PAM16: variants seen among roughly 807,000 people sequenced by gnomAD.
The protein encoded by PAM16 is mitochondrial import inner membrane translocase subunit TIM16.
Under a neutral mutation model 17.9 loss-of-function variants are expected in PAM16, and 11 were observed. The observed-to-expected ratio is 0.62, with a 90% CI of 0.39 to 1.02. The LOEUF is 1.02. Among genes scored for constraint, PAM16 ranks in the 50% least tolerant of loss-of-function variants. The pLI is 0.01. For synonymous variants in PAM16, 72 were observed against 67.4 expected (o/e 1.07, Z -0.34); for missense variants, 199 against 165.4 (o/e 1.20, Z -1.11).
intron 3 of PAM16, 43 bp downstream of exon 3, chr16:4,341,325 C>A (rs1428054154): frequency 8.4e-6 from 13 of 1,542,390 alleles, no homozygotes; most frequent in Non-Finnish European, 1.1e-5. Flanking sequence ...CCCACCCTGG[C>A]AGCCTCTCCC....
chr16:4,351,067 T>A, intron 1 of PAM16, 165 bp downstream of exon 1: 3 of 357,334 alleles, frequency 8.4e-6, no homozygotes. Flanking sequence ...GTGCCGCCGC[T>A]GCCGGCCTCG....
chr16:4,342,460 G>A (rs2053663851), intron 2 of PAM16, among the ~76,000 whole-genome samples: 1 of 151,412 alleles, frequency 6.6e-6, no homozygotes, highest in African/African-American at 2.4e-5. Flanking sequence ...TTCAAGACCA[G>A]CCTGACCAAC....
chr16:4,343,872 C>G, intron 1 of PAM16: 1 of 398,656 alleles, frequency 2.5e-6, no homozygotes, highest in Middle Eastern at 6.3e-4. Flanking sequence ...TTTAAACACA[C>G]TATGGACCAA....
rs867322551 is a variant in PAM16, at chr16:4,351,250, T to C, written c.-16A>G. On this transcript the variant is annotated 5_prime_UTR_variant, in exon 1 of 5. Coordinates refer to ENST00000318059, the MANE Select transcript of PAM16 (RefSeq NM_016069.11). ...GGCTCACCATGGCAGCCGCTCTGCC[T>C]CCGGGGCTCAAACTCCGACTTCCTG... 2.0e-6 allele frequency: 3 copies of C among 1,467,380 alleles called. No homozygotes were observed. Among genetic ancestry groups the C allele is most frequent in the African/African-American group, 2.9e-5 (2 of 69,830 alleles). 90.9% of individuals were successfully genotyped at this position (1,467,380 alleles called of 1,614,324 possible). A position where few individuals can be genotyped will look rare whatever the true frequency, so the allele number is the denominator to read the frequency against.
chr16:4,350,440 C>T (rs1192632465), intron 1 of PAM16, among the ~76,000 whole-genome samples: 3 of 151,730 alleles, frequency 2.0e-5, no homozygotes, highest in African/African-American at 7.3e-5. Context: ...CTCACCCTGT[C>T]GCCCAGGCTA....
At chr16:4,348,440 C>T (rs1309710950) in intron 1 of PAM16, 1 of 152,644 alleles carries the variant, frequency 6.6e-6, no homozygotes, top group Admixed American at 6.5e-5. Flanking sequence ...TTCTCAACCT[C>T]ACCTCTCTCC....
intron 1 of PAM16, among the ~76,000 whole-genome samples, chr16:4,345,111 G>A (rs752600698): frequency 1.9e-4 from 29 of 152,056 alleles, no homozygotes; most frequent in Non-Finnish European, 3.1e-4. Flanking sequence ...AAAGGATCTT[G>A]TGACTGCAAA....
In PAM16 at chr16:4,341,499, G is replaced by C. The variant is rs764298943; in HGVS notation, c.94C>G (p.Arg32Gly). ...CGTCCTCGGGCATCAGCTGCGGCCC[G>C]GCTGGCTGTGTGGACATGTGGGTGA... ...RALRQEFAAS[R>G]AAADARGRAG... Residue 32 changes from arginine to glycine, a missense_variant, in exon 3 of 5, where the codon CGG becomes GGG. Arg to Gly is a moderately radical substitution (Grantham distance 125). Coordinates refer to ENST00000318059, the MANE Select transcript of PAM16 (RefSeq NM_016069.11). 38 of 1,607,592 alleles carry C rather than the reference G, an allele frequency of 2.4e-5. No individual in the cohort carries two copies. The highest frequency in any genetic ancestry group is 2.9e-5 in the Non-Finnish European group (34 of 1,178,660).
At chr16:4,341,619 G>A (rs1240461845) in intron 2 of PAM16, 115 bp from the exon 3 acceptor site, 5 of 1,455,572 alleles carry the variant, frequency 3.4e-6, no homozygotes, top group Non-Finnish European at 3.6e-6. Flanking sequence ...ACAGGGACAG[G>A]TGGCTAGGAG....
Position 4,343,242 on chromosome 16 carries a change from C to G in PAM16, c.53G>C (p.Arg18Thr). The change falls in exon 2 of 5, where the codon AGG becomes ACG. Residue 18 changes from arginine to threonine, a missense_variant. Coordinates refer to ENST00000318059, the MANE Select transcript of PAM16 (RefSeq NM_016069.11). ...CTGCCGCAAGGCCCGTGCAAAGGCC[C>G]TGCCCACCACCTGCACGCCCATCAC... ...IIVMGVQVVG[R>T]AFARALRQEF... 2 of 1,612,820 alleles carry G rather than the reference C, an allele frequency of 1.2e-6. No individual in the cohort carries two copies. Among genetic ancestry groups the G allele is most frequent in the Non-Finnish European group, 8.5e-7 (1 of 1,179,958 alleles).
In PAM16 at chr16:4,341,462, C is replaced by G; in HGVS notation, c.131G>C (p.Arg44Pro). 6.2e-7 allele frequency: 1 copy of G among 1,609,794 alleles called. No homozygotes were observed. Among genetic ancestry groups the G allele is most frequent in the Non-Finnish European group, 8.5e-7 (1 of 1,178,970 alleles). ...AADARGRAGH[R>P]SAAASNLSGL... ...GGAGAGGTTGGAAGCGGCTGCAGAC[C>G]GGTGTCCAGCGCGTCCTCGGGCATC... Residue 44 changes from arginine to proline, a missense_variant, in exon 3 of 5, where the codon CGG becomes CCG. Arg to Pro is a moderately radical substitution (Grantham distance 103). Coordinates refer to ENST00000318059, the MANE Select transcript of PAM16 (RefSeq NM_016069.11).
intron 1 of PAM16, among the ~76,000 whole-genome samples, chr16:4,345,032 C>G (rs1262411194): frequency 6.6e-6 from 1 of 152,022 alleles, no homozygotes; most frequent in Non-Finnish European, 1.5e-5. Context: ...GACTGGGAAT[C>G]TGGCGGATGA....
rs550622365 is a variant in PAM16 at position 4,344,884 on chromosome 16, G to C, written c.4-1593C>G. The stretch of plus-strand genomic sequence containing the variant: ...GAGGAGGGGGTTCCTCCTGGGCTGG[G>C]CTTTGCAGGGTAGGAAGAATCATGA... On this transcript the variant is annotated intron_variant, in intron 1 of 4. Transcript: ENST00000318059. Among the ~76,000 whole-genome samples the C allele has an allele frequency of 9.2e-5, 14 of 151,750 alleles. 1 individual carries two copies. The highest frequency in any genetic ancestry group is 3.4e-4 in the African/African-American group (14 of 41,324).
At chr16:4,350,704 C>G (rs1182844240) in intron 1 of PAM16, among the ~76,000 whole-genome samples, 1 of 152,142 alleles carries the variant, frequency 6.6e-6, no homozygotes, top group Non-Finnish European at 1.5e-5. Flanking sequence ...CCAGCCAAAC[C>G]TGCACTTTTA....
chr16:4,345,794 G>A lies in PAM16; in HGVS notation c.4-2503C>T, dbSNP rs545576059. The A allele has an allele frequency of 1.1e-5, 11 of 976,902 alleles. No homozygotes were observed. The South Asian group carries it at 2.4e-4, about 21-fold the overall frequency. 60.5% of individuals were successfully genotyped at this position (976,902 alleles called of 1,614,324 possible). ...GACACCTGCGGTCTCACCTGACTTC[G>A]CCTCCTTCCTAAAGCCCCTCCCGAG... On this transcript the variant is annotated intron_variant, in intron 1 of 4. Coordinates refer to ENST00000318059, the MANE Select transcript of PAM16 (RefSeq NM_016069.11).
At chr16:4,349,025 G>A (rs1379733202) in intron 1 of PAM16, among the ~76,000 whole-genome samples, 5 of 144,000 alleles carry the variant, frequency 3.5e-5, no homozygotes, top group Admixed American at 7.4e-5. Flanking sequence ...CGCGACCTTC[G>A]GCTCACTGCA....
At chr16:4,343,934 T>C (rs763475969) in intron 1 of PAM16, 19 of 397,712 alleles carry the variant, frequency 4.8e-5, no homozygotes, top group East Asian at 7.2e-5. Flanking sequence ...GGTTCACCCA[T>C]TCATTCAAAC....
chr16:4,349,133 T>C (rs888777719), intron 1 of PAM16, among the ~76,000 whole-genome samples: 1 of 151,846 alleles, frequency 6.6e-6, no homozygotes, highest in Non-Finnish European at 1.5e-5. Context: ...TTTTTTGTAT[T>C]TTTAGTAGAG....
chr16:4,340,644 C>A (rs909305055), intron 4 of PAM16, among the ~76,000 whole-genome samples: 3 of 152,200 alleles, frequency 2.0e-5, no homozygotes, highest in African/African-American at 7.2e-5. Flanking sequence ...GCACCCCACC[C>A]ACGGGGGCTC....
Sources: allele counts gnomAD v4.1 joint callset (sites outside exome capture counted in the v4.1 genomes callset), GRCh38; gene constraint gnomAD v4.1.1; transcripts MANE v1.5; gene names NCBI Gene and HGNC (gene_info 2026-07-23, HGNC 2026-07-21).